The following ULK4 variants were observed in gnomAD, a reference collection of about 807,000 sequenced individuals.
ULK4 encodes the protein inactive serine/threonine-protein kinase ULK4.
Under a neutral mutation model 160.6 loss-of-function variants are expected in ULK4, and 133 were observed. That is an observed-to-expected ratio of 0.83 (90% CI 0.72 to 0.96). The LOEUF is 0.96. ULK4 is among the 40% of genes least tolerant of loss of function. The pLI, the probability that ULK4 is intolerant of heterozygous loss-of-function variation, is 0.00. For synonymous variants in ULK4, 534 were observed against 539.8 expected, an observed-to-expected ratio of 0.99 and a Z score of 0.15; for missense variants, 1,580 against 1,499.5, an observed-to-expected ratio of 1.05 and a Z score of -0.89.
chr3:41,880,035 G>A (rs1165230255), intron 17 of ULK4, among the ~76,000 whole-genome samples: 25 of 152,088 alleles, frequency 1.6e-4, no homozygotes, highest in African/African-American at 1.2e-4. Flanking sequence ...CAGGAGAATC[G>A]TTTGAACCTG....
chr3:41,607,432 A>G (rs2032434245), intron 31 of ULK4, among the ~76,000 whole-genome samples: 1 of 152,196 alleles, frequency 6.6e-6, no homozygotes, highest in African/African-American at 2.4e-5. Flanking sequence ...AAAGTAAACA[A>G]GTCAAAATAC....
At chr3:41,572,050 C>T (rs1416928288) in intron 31 of ULK4, among the ~76,000 whole-genome samples, 1 of 152,184 alleles carries the variant, frequency 6.6e-6, no homozygotes, top group East Asian at 1.9e-4. Flanking sequence ...CTCATTCAAC[C>T]CTTACAAAAA....
At chr3:41,919,620 G>A in intron 6 of ULK4, 97 bp downstream of exon 6, 1 of 1,043,266 alleles carries the variant, frequency 9.6e-7, no homozygotes, top group Non-Finnish European at 1.4e-6. Flanking sequence ...AAAAAATCTA[G>A]TTTTTTCACA....
intron 34 of ULK4, among the ~76,000 whole-genome samples, chr3:41,445,261 G>A (rs1278452672): frequency 6.6e-6 from 1 of 152,224 alleles, no homozygotes; most frequent in South Asian, 2.1e-4. Context: ...ATGCTCATGG[G>A]TAGGAAGAAT....
intron 25 of ULK4, among the ~76,000 whole-genome samples, chr3:41,706,372 T>C (rs976482778): frequency 2.1e-5 from 3 of 146,034 alleles, no homozygotes; most frequent in African/African-American, 7.5e-5. Flanking sequence ...TATATATATA[T>C]TTAATATATA....
At chr3:41,464,548 G>A (rs2083778741) in intron 32 of ULK4, among the ~76,000 whole-genome samples, 1 of 152,124 alleles carries the variant, frequency 6.6e-6, no homozygotes, top group East Asian at 1.9e-4. Context: ...ATTACAGCAT[G>A]TGCACTGCAC....
At chr3:41,398,946 T>C (rs948384064) in intron 34 of ULK4, among the ~76,000 whole-genome samples, 5 of 152,126 alleles carry the variant, frequency 3.3e-5, no homozygotes, top group African/African-American at 1.2e-4. Flanking sequence ...GGTGAGAACA[T>C]TCCAAATCCT....
At chr3:41,728,865 T>C (rs945219098) in intron 22 of ULK4, among the ~76,000 whole-genome samples, 1 of 152,160 alleles carries the variant, frequency 6.6e-6, no homozygotes, top group Non-Finnish European at 1.5e-5. Flanking sequence ...TATACACATA[T>C]ATAATGTATA....
intron 11 of ULK4, among the ~76,000 whole-genome samples, chr3:41,908,580 G>A (rs1378670709): frequency 6.6e-6 from 1 of 151,936 alleles, no homozygotes. Context: ...CGAGTAGCTG[G>A]GATTACAAGT....
chr3:41,856,547 ATG>A (rs1329901726), intron 17 of ULK4, among the ~76,000 whole-genome samples: 1 of 76,132 alleles, frequency 1.3e-5, no homozygotes, highest in Non-Finnish European at 2.3e-5. Context: ...GTATATATAT[ATG>A]TGTATATATA....
intron 1 of ULK4, 81 bp downstream of exon 1, chr3:41,961,935 C>G (rs1472797550): frequency 6.6e-6 from 1 of 152,668 alleles, no homozygotes; most frequent in African/African-American, 2.4e-5. Context: ...CCCGCCCCGG[C>G]AGGCCTGCGC....
chr3:41,319,224 G>A (rs1411374354), intron 35 of ULK4, among the ~76,000 whole-genome samples: 3 of 152,118 alleles, frequency 2.0e-5, no homozygotes, highest in Non-Finnish European at 4.4e-5. Context: ...GCATCTTCGT[G>A]TGGGGGCACT....
At chr3:41,805,206 G>A (rs911024785) in intron 19 of ULK4, among the ~76,000 whole-genome samples, 1 of 152,298 alleles carries the variant, frequency 6.6e-6, no homozygotes, top group Middle Eastern at 3.4e-3. Context: ...CACGTCCCTT[G>A]TAAGTTGGAT....
chr3:41,599,625 C>T (rs537111924), intron 31 of ULK4, among the ~76,000 whole-genome samples: 1 of 141,634 alleles, frequency 7.1e-6, no homozygotes, highest in South Asian at 2.2e-4. Context: ...AGTTCAGTGG[C>T]GCGATCTCGG....
intron 21 of ULK4, among the ~76,000 whole-genome samples, chr3:41,786,813 T>G (rs1327157336): frequency 6.6e-6 from 1 of 152,008 alleles, no homozygotes; most frequent in Non-Finnish European, 1.5e-5. Context: ...GGACAATATA[T>G]ATAAAACAAA....
intron 27 of ULK4, among the ~76,000 whole-genome samples, chr3:41,692,332 C>G (rs2036333806): frequency 6.6e-6 from 1 of 151,978 alleles, no homozygotes; most frequent in Admixed American, 6.6e-5. Flanking sequence ...TGTTCTAAAC[C>G]TTTGAGTGGG....
chr3:41,324,110 A>G (rs561423893), intron 35 of ULK4, among the ~76,000 whole-genome samples: 11 of 152,324 alleles, frequency 7.2e-5, no homozygotes, highest in Middle Eastern at 6.8e-3. Flanking sequence ...CTTAGCATCA[A>G]GAAGGCAGCC....
chr3:41,365,009 T>G (rs2081228071), intron 35 of ULK4, among the ~76,000 whole-genome samples: 1 of 152,190 alleles, frequency 6.6e-6, no homozygotes, highest in South Asian at 2.1e-4. Flanking sequence ...AAGTAATGAT[T>G]TGGCTGCAAG....
At chr3:41,801,857 AAAAAT>A (rs1488010207) in intron 19 of ULK4, among the ~76,000 whole-genome samples, 1 of 152,176 alleles carries the variant, frequency 6.6e-6, no homozygotes, top group South Asian at 2.1e-4. Flanking sequence ...TCTCAAAAAT[AAAAAT>A]AAAATAAAAT....
Sources: allele counts gnomAD v4.1 joint callset (sites outside exome capture counted in the v4.1 genomes callset), GRCh38; gene constraint gnomAD v4.1.1; transcripts MANE v1.5; gene names NCBI Gene and HGNC (gene_info 2026-07-23, HGNC 2026-07-21).